The following SPAG8 variants were observed in gnomAD, a reference collection of about 807,000 sequenced individuals.
SPAG8 encodes sperm-associated antigen 8.
A neutral mutation model predicts 45.3 loss-of-function variants in SPAG8; 36 were observed. That is an observed-to-expected ratio of 0.80 (90% CI 0.61 to 1.05). The LOEUF (loss-of-function observed/expected upper bound fraction) is 1.05. Ranked by LOEUF, SPAG8 falls within the 50% of genes least tolerant of loss-of-function variation. The probability of loss-of-function intolerance (pLI) is 0.00; values close to 1 mark genes in which losing one functional copy is unlikely to be tolerated. For synonymous variants in SPAG8, 227 were observed against 232.6 expected, an observed-to-expected ratio of 0.98 and a Z score of 0.22; for missense variants, 573 against 609.2, an observed-to-expected ratio of 0.94 and a Z score of 0.63.
chr9:35,808,503 A>G, downstream of SPAG8: 2 of 1,613,818 alleles, frequency 1.2e-6, no homozygotes, highest in Non-Finnish European at 8.5e-7. This position sits in a 1 kb window ranked among gnomAD's most constrained non-coding sequence, Gnocchi z 4.0. Flanking sequence ...TCCCCCTCTC[A>G]ATCAGGTGGA....
chr9:35,810,061 C>T lies in SPAG8; in HGVS notation c.1335G>A (p.Leu445=), dbSNP rs1316212463. 1 of 1,613,814 alleles carries T rather than the reference C, an allele frequency of 6.2e-7. No homozygotes were observed. The highest frequency in any genetic ancestry group is 8.5e-7 in the Non-Finnish European group (1 of 1,179,806). Residue 445 remains leucine (L), a synonymous_variant, in exon 7 of 7, where the codon TTG becomes TTA. Coordinates refer to ENST00000396638, the MANE Select transcript of SPAG8 (RefSeq NM_001039592.2). ...KNCSFSTPVP[L]SLGKLLPYEP... ...CATAGGGCAAAAGTTTCCCCAGAGA[C>T]AAGGGTACTGGTGTTGAGAAGCTGC...
Position 35,812,020 on chromosome 9 carries a change from G to C in SPAG8, c.45-19C>G, listed in dbSNP as rs758389786. Reference sequence around the variant, plus strand: ...TAAAGATCTGAAAGAAAGCAAACACGACATGGCTGTCAAAAGCGCAGCAGA... The same window carrying C: ...TAAAGATCTGAAAGAAAGCAAACACCACATGGCTGTCAAAAGCGCAGCAGA... On this transcript the variant is annotated intron_variant, in intron 1 of 6. Coordinates refer to ENST00000396638, the MANE Select transcript of SPAG8 (RefSeq NM_001039592.2). The C allele has an allele frequency of 6.2e-7, 1 of 1,607,940 alleles. No individual in the cohort carries two copies. The highest frequency in any genetic ancestry group is 8.5e-7 in the Non-Finnish European group (1 of 1,177,206).
chr9:35,808,656 C>T (rs1032976310), downstream of SPAG8: 3 of 1,614,042 alleles, frequency 1.9e-6, no homozygotes, highest in African/African-American at 4.0e-5. The surrounding 1 kb of genome is among the most constrained non-coding windows in gnomAD (Gnocchi z 4.0). Flanking sequence ...CCATGACCAG[C>T]TGAGGCTACG....
At chr9:35,809,739 G>A (rs1008744798), downstream of SPAG8, 2 of 1,395,524 alleles carry the variant, frequency 1.4e-6, no homozygotes, top group African/African-American at 2.9e-5. The surrounding 1 kb of genome is among the most constrained non-coding windows in gnomAD (Gnocchi z 4.1). Flanking sequence ...TCATAGTGTG[G>A]GATAGGGGCA....
chr9:35,812,115 C>CCGCGAT lies in SPAG8; in HGVS notation c.27_32dup (p.Arg15_Ser16dup). On this transcript the variant is annotated inframe_insertion, in exon 1 of 7. Coordinates refer to ENST00000396638, the MANE Select transcript of SPAG8 (RefSeq NM_001039592.2). ...GCTGCGGCTCTCACCGCGACCGCGA[C>CCGCGAT]CGCGATCCCTCCGTAGACTCGTTGG... 1 of 1,608,996 alleles carries CCGCGAT rather than the reference C, an allele frequency of 6.2e-7. No individual in the cohort carries two copies. The highest frequency in any genetic ancestry group is 2.2e-5 in the East Asian group (1 of 44,794).
downstream of SPAG8, chr9:35,808,828 T>C (rs970313234): frequency 6.8e-6 from 11 of 1,609,006 alleles, no homozygotes; most frequent in Non-Finnish European, 9.4e-6. The surrounding 1 kb of genome is among the most constrained non-coding windows in gnomAD (Gnocchi z 4.0). Context: ...TGAACACTGC[T>C]TCTCGAATGG....
rs369019201 is a variant in SPAG8, at chr9:35,812,080, T to C, written c.44+24A>G. ...CTGACCTTCCTCGTCCCCTTATGCC[T>C]GCAGCCAGAGCTGCGGCTCTCACCG... is the stretch of plus-strand genomic sequence containing the variant. On this transcript the variant is annotated intron_variant, in intron 1 of 6. Coordinates refer to ENST00000396638, the MANE Select transcript of SPAG8 (RefSeq NM_001039592.2). 6 of 1,612,180 alleles carry C rather than the reference T, an allele frequency of 3.7e-6. No individual in the cohort carries two copies. In the African/African-American group the frequency reaches 6.7e-5, roughly 18 times the overall value.
intron 3 of SPAG8, 41 bp downstream of exon 3, chr9:35,810,842 A>G (rs763608667): frequency 7.5e-6 from 12 of 1,601,800 alleles, no homozygotes; most frequent in Non-Finnish European, 9.4e-6. Flanking sequence ...CTTCCCTCTG[A>G]GTAATGGGCT....
Position 35,809,833 on chromosome 9 carries a change from T to C in SPAG8, c.*105A>G. On this transcript the variant is annotated 3_prime_UTR_variant, in exon 7 of 7. Transcript: ENST00000396638. This position sits in a 1 kb window ranked among gnomAD's most constrained non-coding sequence, Gnocchi z 4.1. ...AGTCTTGGGATGAGAGAGAACCCTT[T>C]ATGTAAAGCCTCTTCAAGTACAGTG... The C allele has an allele frequency of 3.3e-6, 5 of 1,537,468 alleles. No individual in the cohort carries two copies. The highest frequency in any genetic ancestry group is 4.3e-6 in the Non-Finnish European group (5 of 1,150,934).
At position 35,811,194 on chromosome 9, in the gene SPAG8, G is replaced by T; in HGVS notation, c.852C>A (p.Asn284Lys). ...AAAACTTTAATACCTCTTCCTCCCA[G>T]TTGTAGAGGAGGCACTGGCCCCGCG... ...TLPRGQCLLY[N>K]WEEERATNHL... Residue 284 changes from asparagine to lysine, a missense_variant, in exon 2 of 7, where the codon AAC becomes AAA. Asn to Lys is a moderately conservative substitution (Grantham distance 94). Transcript: ENST00000396638. The T allele has an allele frequency of 1.3e-6, 2 of 1,570,438 alleles. No individual in the cohort carries two copies. Among genetic ancestry groups the T allele is most frequent in the Non-Finnish European group, 1.7e-6 (2 of 1,157,878 alleles).
rs199964697 is a variant in SPAG8 at position 35,810,088 on chromosome 9, G to C, written c.1308C>G (p.Asn436Lys). The C allele has an allele frequency of 7.8e-5, 126 of 1,612,766 alleles. No homozygotes were observed. The highest frequency in any genetic ancestry group is 6.3e-5 in the Non-Finnish European group (74 of 1,179,306). Residue 436 changes from asparagine (N) to lysine (K), a missense_variant, in exon 7 of 7, where the codon AAC becomes AAG. Coordinates refer to ENST00000396638, the MANE Select transcript of SPAG8 (RefSeq NM_001039592.2). ...IRTLDTPFRK[N>K]CSFSTPVPLS... ...AGGGTACTGGTGTTGAGAAGCTGCA[G>C]TTCTTCCGGAATGGTGTGTCCAATG...
chr9:35,810,115 C>T lies in SPAG8; in HGVS notation c.1281G>A (p.Arg427=), dbSNP rs748555053. 3 of 1,611,184 alleles carry T rather than the reference C, an allele frequency of 1.9e-6. No individual in the cohort carries two copies. The South Asian group carries it at 3.3e-5, about 18-fold the overall frequency. The change falls in exon 7 of 7, where the codon AGG becomes AGA. Residue 427 remains arginine (R), a synonymous_variant. Transcript: ENST00000396638. ...TCTTCCGGAATGGTGTGTCCAATGT[C>T]CTGATGTTACTGACACCCTGGAGGA... The part of the protein sequence containing the change: ...APQLPGVSNI[R]TLDTPFRKNC...
chr9:35,812,242 G>C lies in SPAG8; in HGVS notation c.-95C>G. 3.5e-6 allele frequency: 5 copies of C among 1,411,742 alleles called. No homozygotes were observed. In the South Asian group the frequency reaches 6.0e-5, roughly 17 times the overall value. 87.5% of individuals were successfully genotyped at this position (1,411,742 alleles called of 1,614,324 possible). A position where few individuals can be genotyped will look rare whatever the true frequency, so the allele number is the denominator to read the frequency against. On this transcript the variant is annotated 5_prime_UTR_variant, in exon 1 of 7. Transcript: ENST00000396638. ...CTGGGCGGACTTGCAGGTGGCGGTG[G>C]AGGCAAGTCCTCTGCGGGGCGGAAG...
At chr9:35,812,047 GAAGTC>G (rs1828838467) in intron 1 of SPAG8, 46 bp from the exon 2 acceptor site, 1 of 1,609,316 alleles carries the variant, frequency 6.2e-7, no homozygotes, top group Admixed American at 1.7e-5. Context: ...CGCAGCAGAG[GAAGTC>G]AGCTGACCTT....
At position 35,811,258 on chromosome 9, in the gene SPAG8, T is replaced by G. The variant is rs544009871; in HGVS notation, c.788A>C (p.Asp263Ala). 2 of 1,612,564 alleles carry G rather than the reference T, an allele frequency of 1.2e-6. No homozygotes were observed. Among genetic ancestry groups the G allele is most frequent in the African/African-American group, 2.7e-5 (2 of 74,938 alleles). Reference protein sequence around the residue: ...PGARGLWKPPDIKGKLMVCYE... With the variant: ...PGARGLWKPPAIKGKLMVCYE... ...GCAAACCATAAGCTTCCCTTTAATG[T>G]CTGGGGGTTTCCATAGTCCTCGGGC... The change falls in exon 2 of 7, where the codon GAC (aspartate) becomes GCC (alanine). Residue 263 changes from aspartate (D) to alanine (A), a missense_variant. Transcript: ENST00000396638.
At chr9:35,811,141 G>A (rs1828770246) in intron 2 of SPAG8, 41 bp downstream of exon 2, 6 of 1,557,652 alleles carry the variant, frequency 3.9e-6, no homozygotes, top group Middle Eastern at 3.5e-4. Flanking sequence ...AGAAACTGAG[G>A]GCAGCCTTCA....
downstream of SPAG8, chr9:35,808,441 C>T (rs1828541647): frequency 2.6e-6 from 4 of 1,533,640 alleles, no homozygotes; most frequent in Non-Finnish European, 3.6e-6. The surrounding 1 kb of genome is among the most constrained non-coding windows in gnomAD (Gnocchi z 4.0). Context: ...TCAAGCTTGT[C>T]TCCCTCTACT....
downstream of SPAG8, chr9:35,808,551 C>T: frequency 6.2e-7 from 1 of 1,614,144 alleles, no homozygotes. The surrounding 1 kb of genome is among the most constrained non-coding windows in gnomAD (Gnocchi z 4.0). Flanking sequence ...ATCTGGCCTC[C>T]CAGGCCGAAA....
Position 35,811,764 on chromosome 9 carries a change from C to T in SPAG8, c.282G>A (p.Gly94=), listed in dbSNP as rs1159968224. The T allele has an allele frequency of 1.2e-6, 2 of 1,614,224 alleles. No individual in the cohort carries two copies. Among genetic ancestry groups the T allele is most frequent in the African/African-American group, 1.3e-5 (1 of 75,048 alleles). ...TAAAGCCGGGTCCCGCACAGGGCTC[C>T]CCAAGAAGGCTGGGGTCAGAGGACG... is the stretch of plus-strand genomic sequence containing the variant. The part of the protein sequence containing the change: ...MEPSSDPSLL[G]EPCAGPGFTH... The change falls in exon 2 of 7, where the codon GGG becomes GGA. Residue 94 remains glycine (G), a synonymous_variant. Transcript: ENST00000396638.
Sources: allele counts gnomAD v4.1 joint callset, GRCh38; gene constraint gnomAD v4.1.1; non-coding constraint Gnocchi (gnomAD v3.1); transcripts MANE v1.5; gene names NCBI Gene and HGNC (gene_info 2026-07-23, HGNC 2026-07-21).